The following ERBB4 variants were observed in gnomAD, a reference collection of about 807,000 sequenced individuals.
ERBB4 encodes erb-b2 receptor tyrosine kinase 4, also known as receptor tyrosine-protein kinase erbB-4.
ERBB4 carries 42 observed loss-of-function variants against 158.0 expected under a neutral mutation model. That is an observed-to-expected ratio of 0.27 (90% CI 0.21 to 0.34). The LOEUF (loss-of-function observed/expected upper bound fraction) is 0.34. Ranked by LOEUF, ERBB4 falls within the 10% of genes least tolerant of loss-of-function variation. The probability of loss-of-function intolerance (pLI) is 1.00; values close to 1 mark genes in which losing one functional copy is unlikely to be tolerated. For synonymous variants in ERBB4, 583 were observed against 558.7 expected, an observed-to-expected ratio of 1.04 and a Z score of -0.61; for missense variants, 1,333 against 1,624.1, an observed-to-expected ratio of 0.82 and a Z score of 3.08.
At chr2:211,543,228 A>G (rs2066860909) in intron 20 of ERBB4, among the ~76,000 whole-genome samples, 1 of 152,018 alleles carries the variant, frequency 6.6e-6, no homozygotes, top group Admixed American at 6.6e-5. Context: ...AACAAAAAAT[A>G]AGGCACTATT....
chr2:212,063,806 A>G (rs564974274), intron 2 of ERBB4, among the ~76,000 whole-genome samples: 4 of 152,184 alleles, frequency 2.6e-5, no homozygotes, highest in Non-Finnish European at 5.9e-5. Flanking sequence ...AAAGGATTTA[A>G]TTCAGAGAGA....
chr2:212,420,173 T>C (rs1328732502), intron 1 of ERBB4, among the ~76,000 whole-genome samples: 1 of 152,086 alleles, frequency 6.6e-6, no homozygotes, highest in Non-Finnish European at 1.5e-5. Context: ...CAATGTTATA[T>C]ACAATATTCA....
At chr2:212,022,196 G>T (rs1268999961) in intron 2 of ERBB4, among the ~76,000 whole-genome samples, 1 of 152,088 alleles carries the variant, frequency 6.6e-6, no homozygotes, top group Middle Eastern at 3.2e-3. Flanking sequence ...ATACTCAAAG[G>T]AATATAAATC....
intron 2 of ERBB4, among the ~76,000 whole-genome samples, chr2:212,040,316 G>GTT (rs201067543): frequency 6.6e-6 from 1 of 151,000 alleles, no homozygotes; most frequent in African/African-American, 2.4e-5. Flanking sequence ...AATTTTAGTA[G>GTT]TTTTTTTTTC....
intron 1 of ERBB4, among the ~76,000 whole-genome samples, chr2:212,228,890 T>G (rs569967370): frequency 2.2e-4 from 33 of 152,302 alleles, no homozygotes; most frequent in African/African-American, 7.0e-4. Context: ...TTTCAACAAA[T>G]TGGATCAGCT....
chr2:211,707,791 T>G (rs1321444222), intron 9 of ERBB4, among the ~76,000 whole-genome samples: 2 of 152,192 alleles, frequency 1.3e-5, no homozygotes, highest in Non-Finnish European at 2.9e-5. Flanking sequence ...AAACTAAACA[T>G]GCCAATTAAC....
intron 2 of ERBB4, among the ~76,000 whole-genome samples, chr2:212,069,073 G>C (rs989849184): frequency 6.6e-6 from 1 of 152,004 alleles, no homozygotes; most frequent in Non-Finnish European, 1.5e-5. Context: ...GTGAAACTGT[G>C]AGTCCATTAA....
intron 2 of ERBB4, among the ~76,000 whole-genome samples, chr2:211,968,592 G>GT (rs1466228801): frequency 7.9e-5 from 12 of 151,884 alleles, no homozygotes; most frequent in Non-Finnish European, 1.6e-4. Flanking sequence ...TTATTGCTCT[G>GT]TTCTCTTTTT....
intron 3 of ERBB4, among the ~76,000 whole-genome samples, chr2:211,937,869 A>G (rs148383905): frequency 1.3e-5 from 2 of 152,274 alleles, no homozygotes; most frequent in East Asian, 3.9e-4. Flanking sequence ...TTTGAGACCC[A>G]TTTCTAATTT....
intron 3 of ERBB4, among the ~76,000 whole-genome samples, chr2:211,878,573 C>T (rs898081974): frequency 6.7e-6 from 1 of 149,586 alleles, no homozygotes; most frequent in Non-Finnish European, 1.5e-5. Flanking sequence ...TCAAAATAAT[C>T]AAGAAATAAT....
chr2:211,807,816 T>C (rs567933296), intron 3 of ERBB4, among the ~76,000 whole-genome samples: 92 of 152,328 alleles, frequency 6.0e-4, no homozygotes, highest in African/African-American at 2.1e-3. Context: ...ATGATCTCCA[T>C]TGTAACTGGT....
chr2:212,322,359 C>T (rs1430233231), intron 1 of ERBB4, among the ~76,000 whole-genome samples: 1 of 150,016 alleles, frequency 6.7e-6, no homozygotes, highest in Non-Finnish European at 1.5e-5. Context: ...AGGAAAGGTG[C>T]CCAATTTCTG....
intron 3 of ERBB4, among the ~76,000 whole-genome samples, chr2:211,858,301 T>C (rs984773): frequency 0.22 from 33,887 of 152,158 alleles, 3,960 homozygotes; most frequent in South Asian, 0.33. Context: ...GACTGCACAG[T>C]ACCCTTACAG....
intron 1 of ERBB4, among the ~76,000 whole-genome samples, chr2:212,139,521 A>T (rs1037378543): frequency 6.6e-6 from 1 of 152,008 alleles, no homozygotes; most frequent in Non-Finnish European, 1.5e-5. Context: ...CATCAGGTTC[A>T]ATTTTTTAAA....
intron 5 of ERBB4, among the ~76,000 whole-genome samples, chr2:211,726,060 T>C (rs56405287): frequency 0.22 from 33,928 of 152,102 alleles, 4,512 homozygotes; most frequent in Non-Finnish European, 0.31. Flanking sequence ...ATTCCAAAAA[T>C]ATTTTTAGGG....
At chr2:211,861,910 G>A (rs116752427) in intron 3 of ERBB4, among the ~76,000 whole-genome samples, 187 of 152,030 alleles carry the variant, frequency 1.2e-3, no homozygotes, top group African/African-American at 4.3e-3. Context: ...ATTAAAGCCA[G>A]CAAATGATCT....
chr2:212,268,264 G>T (rs773811770), intron 1 of ERBB4, among the ~76,000 whole-genome samples: 30 of 151,824 alleles, frequency 2.0e-4, no homozygotes, highest in South Asian at 4.1e-4. Flanking sequence ...TTTCAATTTA[G>T]ATCCTCTGAT....
At chr2:212,118,161 A>G (rs1174360181) in intron 2 of ERBB4, among the ~76,000 whole-genome samples, 1 of 152,176 alleles carries the variant, frequency 6.6e-6, no homozygotes, top group East Asian at 1.9e-4. Context: ...GCCAGAGGAC[A>G]ATGAAAAGGA....
At chr2:211,942,584 C>T (rs1194747349) in intron 3 of ERBB4, among the ~76,000 whole-genome samples, 1 of 151,942 alleles carries the variant, frequency 6.6e-6, no homozygotes, top group Non-Finnish European at 1.5e-5. Context: ...CTATTGAGGG[C>T]TTCTAGGTAT....
Sources: allele counts gnomAD v4.1 joint callset (sites outside exome capture counted in the v4.1 genomes callset), GRCh38; gene constraint gnomAD v4.1.1; transcripts MANE v1.5; gene names NCBI Gene and HGNC (gene_info 2026-07-23, HGNC 2026-07-21).